The following HAUS7 variants were observed in gnomAD, a reference collection of about 807,000 sequenced individuals.
HAUS7 encodes the protein HAUS augmin like complex subunit 7.
HAUS7 carries 3 observed loss-of-function variants against 28.4 expected under a neutral mutation model. The ratio of observed to expected loss-of-function variants is 0.11; its 90% CI spans 0.05 to 0.27. The LOEUF (loss-of-function observed/expected upper bound fraction) is 0.27. Among genes scored for constraint, HAUS7 ranks in the 10% least tolerant of loss-of-function variants. The pLI is 1.00. For missense variants in HAUS7, 284 were observed against 297.3 expected, an observed-to-expected ratio of 0.96 and a Z score of 0.33; for synonymous variants, 165 against 132.1, an observed-to-expected ratio of 1.25 and a Z score of -1.71.
chrX:153,448,226 G>A (rs782652733), intron 9 of HAUS7, among the ~76,000 whole-genome samples: 3 of 110,570 alleles, frequency 2.7e-5, no homozygotes, highest in African/African-American at 1.0e-4. Context: ...AAAAAAAGAT[G>A]AGTTCATGTC....
chrX:153,459,291 G>A (rs1438049102), intron 4 of HAUS7, among the ~76,000 whole-genome samples: 2 of 112,102 alleles, frequency 1.8e-5, no homozygotes, highest in African/African-American at 3.2e-5. Context: ...CGGGATACAA[G>A]TCCCTCATCA....
At chrX:153,483,906 C>A (rs903203504) in intron 1 of HAUS7, among the ~76,000 whole-genome samples, 3 of 112,085 alleles carry the variant, frequency 2.7e-5, no homozygotes, top group East Asian at 5.6e-4. Context: ...GGAAGCAGCG[C>A]GGAAGGGCTG....
At chrX:153,470,155 C>A (rs782398027) in intron 1 of HAUS7, among the ~76,000 whole-genome samples, 150 of 113,379 alleles carry the variant, frequency 1.3e-3, no homozygotes, top group Non-Finnish European at 2.6e-3. Flanking sequence ...GGCCTGGGTC[C>A]TCTGTGTCTG....
At chrX:153,469,625 T>G (rs1161679793) in intron 1 of HAUS7, among the ~76,000 whole-genome samples, 1 of 112,905 alleles carries the variant, frequency 8.9e-6, no homozygotes, top group East Asian at 2.8e-4. Context: ...CCGCGCCCAG[T>G]CCTCAGTGTA....
intron 1 of HAUS7, among the ~76,000 whole-genome samples, chrX:153,476,530 C>T (rs781950480): frequency 4.5e-5 from 5 of 111,888 alleles, no homozygotes; most frequent in Non-Finnish European, 9.4e-5. Context: ...GAGTCCCTTC[C>T]TTGACCTTAG....
At chrX:153,492,754 C>T (rs1267090325) in intron 1 of HAUS7, among the ~76,000 whole-genome samples, 1 of 111,606 alleles carries the variant, frequency 9.0e-6, no homozygotes, top group Non-Finnish European at 1.9e-5. Context: ...GTGTGCTCTT[C>T]CTTCCACCGG....
chrX:153,482,650 C>T, intron 1 of HAUS7: 1 of 744,877 alleles, frequency 1.3e-6, no homozygotes, highest in African/African-American at 2.3e-5. Context: ...TAGGGGCAGG[C>T]AGGGGTTCTA....
intron 1 of HAUS7, chrX:153,480,439 G>A (rs781953537): frequency 9.3e-5 from 26 of 278,558 alleles, no homozygotes; most frequent in Non-Finnish European, 1.3e-4. Flanking sequence ...CTGTTCTCTC[G>A]CCAGTGCTCC....
At chrX:153,484,237 C>G (rs934655232) in intron 1 of HAUS7, among the ~76,000 whole-genome samples, 1 of 112,340 alleles carries the variant, frequency 8.9e-6, no homozygotes, top group Admixed American at 9.4e-5. Flanking sequence ...CGGGGCCCAG[C>G]CGGGGAACCC....
intron 2 of HAUS7, 67 bp from the exon 3 acceptor site, chrX:153,465,122 G>A (rs1380754759): frequency 5.4e-6 from 4 of 737,330 alleles, no homozygotes; most frequent in Non-Finnish European, 8.4e-6. Context: ...CCCTCTATAC[G>A]CGCTGGAAGA....
chrX:153,459,734 G>C (rs1487969673), intron 4 of HAUS7, among the ~76,000 whole-genome samples: 1 of 112,469 alleles, frequency 8.9e-6, no homozygotes, highest in Non-Finnish European at 1.9e-5. Flanking sequence ...TATATGCGGA[G>C]GACGGGCACA....
chrX:153,472,810 G>C (rs2089537869), upstream of HAUS7, among the ~76,000 whole-genome samples: 1 of 108,614 alleles, frequency 9.2e-6, no homozygotes, highest in Non-Finnish European at 1.9e-5. Context: ...GGTTCTCTGA[G>C]GGAGGCCTGG....
intron 1 of HAUS7, 85 bp downstream of exon 1, chrX:153,470,365 G>T (rs907684300): frequency 1.0e-6 from 1 of 999,764 alleles, no homozygotes; most frequent in Non-Finnish European, 1.4e-6. Context: ...GTGGCGCCGC[G>T]GACTTCCGCA....
At chrX:153,454,360 C>T (rs2089275055) in intron 9 of HAUS7, 34 bp downstream of exon 9, 1 of 829,944 alleles carries the variant, frequency 1.2e-6, no homozygotes, top group East Asian at 3.1e-5. Context: ...CGTGGGGCAG[C>T]CCCAGGCAGA....
intron 1 of HAUS7, among the ~76,000 whole-genome samples, chrX:153,488,380 C>T (rs1163321337): frequency 5.3e-5 from 6 of 113,079 alleles, no homozygotes; most frequent in African/African-American, 1.9e-4. Flanking sequence ...GCAAGGACCT[C>T]GCCCCGCCAT....
intron 1 of HAUS7, among the ~76,000 whole-genome samples, chrX:153,476,202 C>T (rs1033049412): frequency 4.4e-5 from 5 of 112,569 alleles, no homozygotes; most frequent in Non-Finnish European, 9.4e-5. Context: ...GGGCCCAACC[C>T]TTTCTCACCT....
At chrX:153,463,581 G>A (rs2089420177) in intron 3 of HAUS7, among the ~76,000 whole-genome samples, 1 of 112,489 alleles carries the variant, frequency 8.9e-6, no homozygotes, top group African/African-American at 3.2e-5. Flanking sequence ...GGCCAGGGGT[G>A]TCGTTACAGC....
At chrX:153,467,580 T>C (rs1055857930) in intron 2 of HAUS7, among the ~76,000 whole-genome samples, 2 of 111,522 alleles carry the variant, frequency 1.8e-5, no homozygotes, top group Non-Finnish European at 3.8e-5. Flanking sequence ...AAATGCCACC[T>C]CCTCCCTGCC....
At chrX:153,484,508 G>A (rs1270419171) in intron 1 of HAUS7, among the ~76,000 whole-genome samples, 1 of 110,782 alleles carries the variant, frequency 9.0e-6, no homozygotes, top group Non-Finnish European at 1.9e-5. Context: ...GGGGAGGGCT[G>A]GGGGAGGCTG....
Sources: gnomAD v4.1 joint callset for allele counts (sites outside exome capture counted in the v4.1 genomes callset) on GRCh38, gnomAD v4.1.1 for gene constraint, MANE v1.5 for transcripts, NCBI Gene and HGNC (gene_info 2026-07-23, HGNC 2026-07-21) for gene names.